Variants in UNC13C observed in about 807,000 individuals in gnomAD.
UNC13C encodes the protein protein unc-13 homolog C.
A neutral mutation model predicts 245.4 loss-of-function variants in UNC13C; 174 were observed. The ratio of observed to expected loss-of-function variants is 0.71; its 90% CI spans 0.63 to 0.80. The LOEUF (loss-of-function observed/expected upper bound fraction) is 0.80, where lower values mean the gene tolerates loss of function less well. UNC13C is among the 30% of genes least tolerant of loss of function. UNC13C has a pLI of 0.00. For missense variants in UNC13C, 2,829 were observed against 2,602.9 expected, an observed-to-expected ratio of 1.09 and a Z score of -1.89; for synonymous variants, 992 against 895.1, an observed-to-expected ratio of 1.11 and a Z score of -1.93.
At chr15:54,613,169 A>G (rs1318819046) in intron 30 of UNC13C, among the ~76,000 whole-genome samples, 1 of 151,906 alleles carries the variant, frequency 6.6e-6, no homozygotes, top group Non-Finnish European at 1.5e-5. Flanking sequence ...TTTTTACATA[A>G]TAGCCAATTA....
chr15:54,120,825 C>A (rs2030616175), intron 2 of UNC13C, among the ~76,000 whole-genome samples: 1 of 152,000 alleles, frequency 6.6e-6, no homozygotes, highest in Non-Finnish European at 1.5e-5. Context: ...GAAGTAACTA[C>A]AGATGTGGTA....
At chr15:54,203,751 T>C (rs1187453011) in intron 4 of UNC13C, among the ~76,000 whole-genome samples, 1 of 100,954 alleles carries the variant, frequency 9.9e-6, no homozygotes, top group African/African-American at 3.0e-5. Flanking sequence ...TATATGTATA[T>C]ATACACATAT....
intron 10 of UNC13C, among the ~76,000 whole-genome samples, chr15:54,274,631 CAA>C (rs2036779270): frequency 7.6e-6 from 1 of 131,702 alleles, no homozygotes; most frequent in South Asian, 2.4e-4. Flanking sequence ...AAAGAGAAAA[CAA>C]AAAATGTTAT....
chr15:54,020,271 T>G (rs1176622731), intron 2 of UNC13C, among the ~76,000 whole-genome samples: 3 of 149,526 alleles, frequency 2.0e-5, no homozygotes, highest in Admixed American at 1.3e-4. Flanking sequence ...AATTTTTTTC[T>G]TTTTTTCTTT....
At chr15:54,369,265 T>C (rs2039435863) in intron 17 of UNC13C, among the ~76,000 whole-genome samples, 1 of 151,900 alleles carries the variant, frequency 6.6e-6, no homozygotes, top group African/African-American at 2.4e-5. Flanking sequence ...TTATTATTGG[T>C]AGTTTTGAGC....
chr15:54,322,691 A>G (rs1468070863), intron 14 of UNC13C, among the ~76,000 whole-genome samples: 25 of 152,074 alleles, frequency 1.6e-4, no homozygotes, highest in Admixed American at 1.6e-3. Context: ...CGTCTGTTGC[A>G]TCCATCAGTG....
the UNC13C span, among the ~76,000 whole-genome samples, chr15:53,898,106 T>C: frequency 6.6e-6 from 1 of 152,170 alleles, no homozygotes; most frequent in East Asian, 1.9e-4. Context: ...TAGTTCAATA[T>C]AAGATCTTCT....
downstream of UNC13C, chr15:54,628,752 G>A (rs531125652): frequency 1.3e-5 from 2 of 152,154 alleles, no homozygotes; most frequent in Admixed American, 6.5e-5. Context: ...ATGTCAGAAT[G>A]GTTATTATTA....
chr15:53,876,361 A>G, the UNC13C span, among the ~76,000 whole-genome samples: 1 of 152,178 alleles, frequency 6.6e-6, no homozygotes, highest in East Asian at 1.9e-4. Flanking sequence ...TCATTTCAAT[A>G]TTATATTTAA....
the UNC13C span, among the ~76,000 whole-genome samples, chr15:53,869,857 A>C: frequency 6.6e-6 from 1 of 152,220 alleles, no homozygotes; most frequent in Non-Finnish European, 1.5e-5. Context: ...ATGCACCAGC[A>C]GTTGATCAAA....
chr15:54,199,197 TA>T (rs2034448506), intron 4 of UNC13C, among the ~76,000 whole-genome samples: 1 of 152,112 alleles, frequency 6.6e-6, no homozygotes, highest in Non-Finnish European at 1.5e-5. Context: ...AGGACTATGT[TA>T]AAAGTCCAAA....
chr15:53,879,254 AG>A, the UNC13C span, among the ~76,000 whole-genome samples: 1 of 152,046 alleles, frequency 6.6e-6, no homozygotes, highest in Non-Finnish European at 1.5e-5. Context: ...TTTGACCCCC[AG>A]GGCTCAAGTG....
chr15:54,205,092 A>T (rs1596002526), intron 4 of UNC13C, among the ~76,000 whole-genome samples: 1 of 152,030 alleles, frequency 6.6e-6, no homozygotes, highest in Non-Finnish European at 1.5e-5. Context: ...AAAGAGTTTT[A>T]AAAATATAGA....
At chr15:54,402,887 A>G (rs1052419952) in intron 18 of UNC13C, among the ~76,000 whole-genome samples, 1 of 152,230 alleles carries the variant, frequency 6.6e-6, no homozygotes, top group African/African-American at 2.4e-5. Context: ...TCTGATTGCA[A>G]CATCTTTTAG....
rs1172618691 is a variant in UNC13C at position 54,571,713 on chromosome 15, T to C, written c.6106+3766T>C. Among the ~76,000 whole-genome samples, 9 of 152,212 alleles carry C rather than the reference T, an allele frequency of 5.9e-5. No homozygotes were observed. In the East Asian group the frequency reaches 1.7e-3, roughly 29 times the overall value. ...TACTGCAAACACCTGCCACTCTGCC[T>C]GAGGAGCCACAGGCACAGGCTCGGT... On this transcript the variant is annotated intron_variant, in intron 30 of 32. Transcript: ENST00000260323.
chr15:54,287,310 AT>A (rs2037174987), intron 10 of UNC13C, among the ~76,000 whole-genome samples: 1 of 152,216 alleles, frequency 6.6e-6, no homozygotes, highest in Non-Finnish European at 1.5e-5. Context: ...TGTGAAACAC[AT>A]TTTAAATAGC....
the UNC13C span, among the ~76,000 whole-genome samples, chr15:53,933,692 G>A: frequency 8.5e-5 from 13 of 152,256 alleles, no homozygotes; most frequent in Admixed American, 6.5e-4. Context: ...TGTTGAATAC[G>A]TCTGTGCCTT....
At chr15:54,435,944 A>G (rs987548160) in intron 19 of UNC13C, among the ~76,000 whole-genome samples, 11 of 151,932 alleles carry the variant, frequency 7.2e-5, no homozygotes, top group African/African-American at 2.7e-4. Context: ...GACACTTCTC[A>G]AAAAAAGACA....
chr15:53,891,142 G>C, the UNC13C span, among the ~76,000 whole-genome samples: 5 of 152,032 alleles, frequency 3.3e-5, no homozygotes, highest in Admixed American at 6.6e-5. Flanking sequence ...TTTAGGAGCG[G>C]GTTGTTCAAT....
Sources: gnomAD v4.1 joint callset for allele counts (sites outside exome capture counted in the v4.1 genomes callset) on GRCh38, gnomAD v4.1.1 for gene constraint, MANE v1.5 for transcripts, NCBI Gene and HGNC (gene_info 2026-07-23, HGNC 2026-07-21) for gene names.